Variants in TRAF3 observed in about 807,000 individuals in gnomAD.
TRAF3 encodes TNF receptor-associated factor 3.
Under a neutral mutation model 62.3 loss-of-function variants are expected in TRAF3, and 13 were observed. That is an observed-to-expected ratio of 0.21 (90% CI 0.14 to 0.33). TRAF3 has a LOEUF of 0.33. TRAF3 is among the 10% of genes least tolerant of loss of function. TRAF3 has a pLI of 1.00. For missense variants in TRAF3, 440 were observed against 741.8 expected, an observed-to-expected ratio of 0.59 and a Z score of 4.73; for synonymous variants, 269 against 283.4, an observed-to-expected ratio of 0.95 and a Z score of 0.51.
intron 1 of TRAF3, among the ~76,000 whole-genome samples, chr14:102,787,367 T>C (rs577111805): frequency 1.3e-5 from 2 of 152,276 alleles, no homozygotes; most frequent in African/African-American, 4.8e-5. Flanking sequence ...TTTTCTGTTA[T>C]TTAGCAATAA....
At chr14:102,814,816 C>G (rs535383747) in intron 1 of TRAF3, among the ~76,000 whole-genome samples, 1 of 152,348 alleles carries the variant, frequency 6.6e-6, no homozygotes, top group South Asian at 2.1e-4. Flanking sequence ...CACCACTGCA[C>G]CTGGCCTCTT....
At chr14:102,801,257 A>G (rs1280687980) in intron 1 of TRAF3, among the ~76,000 whole-genome samples, 1 of 152,150 alleles carries the variant, frequency 6.6e-6, no homozygotes, top group East Asian at 1.9e-4. Flanking sequence ...TACAGTCAAG[A>G]GCCACCACAC....
At chr14:102,857,513 T>C (rs181229610) in intron 2 of TRAF3, among the ~76,000 whole-genome samples, 1 of 152,244 alleles carries the variant, frequency 6.6e-6, no homozygotes, top group African/African-American at 2.4e-5. Context: ...TAGATAAGAC[T>C]TTTTGTTAAA....
intron 7 of TRAF3, among the ~76,000 whole-genome samples, chr14:102,888,456 A>G (rs994767290): frequency 6.6e-5 from 10 of 152,000 alleles, no homozygotes; most frequent in South Asian, 2.1e-4. Context: ...GCAGGGATCC[A>G]TTTTCCCCTC....
At chr14:102,808,143 T>C (rs1283620142) in intron 1 of TRAF3, among the ~76,000 whole-genome samples, 1 of 152,128 alleles carries the variant, frequency 6.6e-6, no homozygotes, top group Non-Finnish European at 1.5e-5. Flanking sequence ...AGAGAGTCAC[T>C]TTGGCCACGT....
intron 4 of TRAF3, 106 bp downstream of exon 4, chr14:102,872,074 TG>T: frequency 8.3e-7 from 1 of 1,199,868 alleles, no homozygotes; most frequent in Non-Finnish European, 1.2e-6. Flanking sequence ...CTCTCAGTTT[TG>T]GCAGCTGATG....
At chr14:102,785,960 A>G (rs983886634) in intron 1 of TRAF3, among the ~76,000 whole-genome samples, 1 of 152,154 alleles carries the variant, frequency 6.6e-6, no homozygotes, top group African/African-American at 2.4e-5. Flanking sequence ...TGCCTTCTCC[A>G]GGTTGAAGGA....
In TRAF3 at chr14:102,879,572, G is replaced by A. The variant is rs146609600; in HGVS notation, c.570+3047G>A. 1.7e-3 allele frequency among the ~76,000 whole-genome samples: 255 copies of A among 152,002 alleles called. 1 individual carries two copies. The highest frequency in any genetic ancestry group is 6.0e-3 in the African/African-American group (250 of 41,504). ...TCGCACCCAGCCGTGGAGCTCTAAT[G>A]ACCAAAATTTAGGGAGAGTTTCTTT... On this transcript the variant is annotated intron_variant, in intron 6 of 11. Transcript: ENST00000392745.
intron 2 of TRAF3, among the ~76,000 whole-genome samples, chr14:102,865,497 A>ATTT (rs558222101): frequency 9.0e-5 from 12 of 133,704 alleles, no homozygotes; most frequent in East Asian, 2.1e-4. Flanking sequence ...GTTAATCTGA[A>ATTT]TTTTTTTTTT....
intron 1 of TRAF3, among the ~76,000 whole-genome samples, chr14:102,811,913 C>CCTTTTTTTTTTTTTT (rs1381571409): frequency 4.2e-5 from 2 of 47,076 alleles, no homozygotes; most frequent in African/African-American, 1.6e-4. Context: ...ATGCCTGGCC[C>CCTTTTTTTTTTTTTT]TTTTTTTTTT....
At chr14:102,848,418 AC>A (rs1283074517) in intron 2 of TRAF3, among the ~76,000 whole-genome samples, 3 of 152,206 alleles carry the variant, frequency 2.0e-5, no homozygotes, top group Non-Finnish European at 4.4e-5. Flanking sequence ...ATAGACCAAG[AC>A]CCTGTCCCTT....
chr14:102,793,758 G>A (rs1185733039), intron 1 of TRAF3, among the ~76,000 whole-genome samples: 1 of 152,194 alleles, frequency 6.6e-6, no homozygotes, highest in East Asian at 1.9e-4. Flanking sequence ...GGAAAGAGAT[G>A]TGCTTCCTTC....
chr14:102,789,422 C>T (rs556896153), intron 1 of TRAF3, among the ~76,000 whole-genome samples: 71 of 152,200 alleles, frequency 4.7e-4, no homozygotes, highest in African/African-American at 1.5e-3. Flanking sequence ...TTAACTTATT[C>T]CCACCAGCAG....
chr14:102,886,689 G>A (rs1489324122), intron 7 of TRAF3, among the ~76,000 whole-genome samples: 1 of 151,862 alleles, frequency 6.6e-6, no homozygotes, highest in Non-Finnish European at 1.5e-5. Context: ...CGGGGAGGCG[G>A]AGGTTGAACA....
intron 6 of TRAF3, among the ~76,000 whole-genome samples, chr14:102,877,444 A>C (rs1207843837): frequency 0.01 from 584 of 57,640 alleles, no homozygotes; most frequent in Middle Eastern, 0.047. Flanking sequence ...ATTCCACAGG[A>C]CTTCTGCTTA....
intron 1 of TRAF3, among the ~76,000 whole-genome samples, chr14:102,825,387 T>TG (rs1208714998): frequency 2.0e-5 from 3 of 152,236 alleles, no homozygotes; most frequent in African/African-American, 7.2e-5. Flanking sequence ...GAGAGGCAGT[T>TG]GGAAGGGTCC....
chr14:102,828,356 C>G (rs889176957), intron 1 of TRAF3, among the ~76,000 whole-genome samples: 6 of 152,190 alleles, frequency 3.9e-5, no homozygotes, highest in Admixed American at 2.6e-4. Context: ...CAACTGCTGA[C>G]TGTTGCCTGC....
At chr14:102,876,821 AATCC>A (rs1888691069) in intron 6 of TRAF3, 1 of 419,968 alleles carries the variant, frequency 2.4e-6, no homozygotes, top group Admixed American at 3.6e-5. Flanking sequence ...ATTCGTAGAT[AATCC>A]ATTCCACAGG....
chr14:102,811,986 C>T (rs1417131446), intron 1 of TRAF3, among the ~76,000 whole-genome samples: 2 of 119,362 alleles, frequency 1.7e-5, no homozygotes, highest in South Asian at 3.1e-4. Flanking sequence ...TGGTCTCAAA[C>T]TCCTGGCCTC....
Sources: allele counts gnomAD v4.1 joint callset (sites outside exome capture counted in the v4.1 genomes callset), GRCh38; gene constraint gnomAD v4.1.1; transcripts MANE v1.5; gene names NCBI Gene and HGNC (gene_info 2026-07-23, HGNC 2026-07-21).